Variants in ATG4A observed in about 807,000 individuals in gnomAD.
ATG4A encodes the protein cysteine protease ATG4A.
A neutral mutation model predicts 38.4 loss-of-function variants in ATG4A; 22 were observed. That is an observed-to-expected ratio of 0.57 (90% CI 0.41 to 0.82). The LOEUF (loss-of-function observed/expected upper bound fraction) is 0.82, where lower values mean the gene tolerates loss of function less well. ATG4A is among the 40% of genes least tolerant of loss of function. The pLI is 0.00. For missense variants in ATG4A, 220 were observed against 290.0 expected, an observed-to-expected ratio of 0.76 and a Z score of 1.75; for synonymous variants, 86 against 100.7, an observed-to-expected ratio of 0.85 and a Z score of 0.88.
At chrX:108,141,035 T>A (rs2148016876) in intron 9 of ATG4A, among the ~76,000 whole-genome samples, 1 of 76,756 alleles carries the variant, frequency 1.3e-5, no homozygotes, top group Non-Finnish European at 2.4e-5. Flanking sequence ...TATATACATA[T>A]ATACATATAT....
rs906222165 is a variant in ATG4A at position 108,150,190 on chromosome X, A to G, written c.853A>G (p.Thr285Ala). Residue 285 changes from threonine to alanine, a missense_variant, in exon 10 of 13, where the codon ACC becomes GCC. Physicochemically the swap from Thr to Ala is moderately conservative, Grantham distance 58. Coordinates refer to ENST00000372232, the MANE Select transcript of ATG4A (RefSeq NM_052936.5). ...CTTCTTGGACCCTCATACAACCCAG[A>G]CCTTTGTTGACACTGAAGAGAATGG... ...LIFLDPHTTQ[T>A]FVDTEENGTV... 14 of 1,211,480 alleles carry G rather than the reference A, an allele frequency of 1.2e-5. No individual in the cohort carries two copies. Among genetic ancestry groups the G allele is most frequent in the Non-Finnish European group, 1.5e-5 (13 of 895,360 alleles).
chrX:108,152,671 T>C (rs1358056583), intron 11 of ATG4A, among the ~76,000 whole-genome samples: 1 of 112,151 alleles, frequency 8.9e-6, no homozygotes, highest in African/African-American at 3.2e-5. Context: ...TTCAGGAACA[T>C]GTCACCCCTA....
At chrX:108,133,319 A>G (rs192552984) in intron 4 of ATG4A, among the ~76,000 whole-genome samples, 1 of 112,404 alleles carries the variant, frequency 8.9e-6, no homozygotes, top group African/African-American at 3.2e-5. Flanking sequence ...CAGTGATTAC[A>G]TAGGGTTTTT....
At chrX:108,091,467 C>T, upstream of ATG4A, 4 of 1,212,580 alleles carry the variant, frequency 3.3e-6, no homozygotes, top group Non-Finnish European at 4.5e-6. Flanking sequence ...ACTCTTCCAG[C>T]TTCCCGCTGT....
chrX:108,150,081 C>A, intron 9 of ATG4A, 71 bp from the exon 10 acceptor site: 1 of 1,117,890 alleles, frequency 8.9e-7, no homozygotes. Flanking sequence ...ACCAGAGTGC[C>A]TCCTCCCAAC....
intron 12 of ATG4A, 74 bp from the exon 13 acceptor site, chrX:108,153,568 T>A: frequency 1.2e-6 from 1 of 815,116 alleles, no homozygotes; most frequent in Non-Finnish European, 1.8e-6. Context: ...TCTTAACTAC[T>A]GAGTAAAGTA....
At chrX:108,103,051 C>T (rs1020384882) in intron 1 of ATG4A, among the ~76,000 whole-genome samples, 4 of 110,623 alleles carry the variant, frequency 3.6e-5, no homozygotes, top group African/African-American at 9.9e-5. Flanking sequence ...GTGTCCTCAT[C>T]GTTCAGCTCC....
chrX:108,141,470 G>A (rs1466573102), intron 9 of ATG4A, among the ~76,000 whole-genome samples: 1 of 111,516 alleles, frequency 9.0e-6, no homozygotes, highest in Non-Finnish European at 1.9e-5. Flanking sequence ...TCTTCAAGGT[G>A]ATTCTGTTAG....
chrX:108,126,166 A>G lies in ATG4A; in HGVS notation c.100A>G (p.Lys34Glu). The part of the protein sequence containing the change: ...DTDELVWILG[K>E]QHLLKTEKSK... ...AGATGAGCTGGTATGGATCTTAGGG[A>G]AGCAGCATCTCCTTAAAACAGGTAA... The change falls in exon 2 of 13, where the codon AAG becomes GAG. Residue 34 changes from lysine to glutamate, a missense_variant. Lys to Glu is a moderately conservative substitution (Grantham distance 56). Coordinates refer to ENST00000372232, the MANE Select transcript of ATG4A (RefSeq NM_052936.5). 8.3e-7 allele frequency: 1 copy of G among 1,204,488 alleles called. No homozygotes were observed. Among genetic ancestry groups the G allele is most frequent in the African/African-American group, 1.7e-5 (1 of 57,722 alleles).
upstream of ATG4A, chrX:108,091,321 C>T: frequency 1.1e-6 from 1 of 893,611 alleles, no homozygotes; most frequent in Non-Finnish European, 1.6e-6. Flanking sequence ...CTCTCAGAAA[C>T]GGGGCCTCCG....
chrX:108,115,773 C>G (rs1000168904), intron 1 of ATG4A, among the ~76,000 whole-genome samples: 2 of 111,845 alleles, frequency 1.8e-5, no homozygotes, highest in African/African-American at 6.5e-5. Context: ...AGTAGACTCA[C>G]TAGAGTAGGT....
At chrX:108,129,912 C>A (rs1449939590) in intron 3 of ATG4A, among the ~76,000 whole-genome samples, 1 of 106,746 alleles carries the variant, frequency 9.4e-6, no homozygotes, top group Non-Finnish European at 1.9e-5. Context: ...AGAAATACCC[C>A]AGTCACTAAC....
intron 4 of ATG4A, among the ~76,000 whole-genome samples, chrX:108,133,038 A>G (rs2033004663): frequency 8.9e-6 from 1 of 112,287 alleles, no homozygotes; most frequent in South Asian, 3.7e-4. Flanking sequence ...GGATTTCCCC[A>G]GACTTGGACA....
intron 9 of ATG4A, among the ~76,000 whole-genome samples, chrX:108,139,881 C>T (rs897268219): frequency 2.7e-5 from 3 of 111,378 alleles, no homozygotes; most frequent in African/African-American, 9.8e-5. Context: ...TTTCTTGCTG[C>T]GTCCTCAAAT....
chrX:108,142,446 A>AAT (rs1199825963), intron 9 of ATG4A, among the ~76,000 whole-genome samples: 6 of 109,605 alleles, frequency 5.5e-5, no homozygotes, highest in Non-Finnish European at 3.8e-5. Context: ...GAACTAATGG[A>AAT]ATATATATAC....
intron 9 of ATG4A, among the ~76,000 whole-genome samples, chrX:108,146,497 C>G (rs773797899): frequency 1.8e-5 from 2 of 111,550 alleles, no homozygotes; most frequent in Non-Finnish European, 3.8e-5. Context: ...GCCACTTGGC[C>G]CCTGCCACCT....
intron 1 of ATG4A, among the ~76,000 whole-genome samples, chrX:108,093,691 A>G (rs2031712134): frequency 8.9e-6 from 1 of 112,441 alleles, no homozygotes; most frequent in African/African-American, 3.2e-5. Flanking sequence ...CTAGCAATGT[A>G]TGAGAGTTCC....
chrX:108,134,251 G>A (rs2033039549), intron 5 of ATG4A, 88 bp from the exon 6 acceptor site: 1 of 1,142,950 alleles, frequency 8.7e-7, no homozygotes, highest in South Asian at 1.9e-5. Context: ...TTGTCCATCT[G>A]CTTAATTATT....
chrX:108,134,519 T>G (rs2033047256), intron 6 of ATG4A, 108 bp downstream of exon 6: 1 of 683,124 alleles, frequency 1.5e-6, no homozygotes, highest in Admixed American at 3.3e-5. Context: ...CCCGCTAAGC[T>G]ACTCCTCCCA....
Sources: gnomAD v4.1 joint callset for allele counts (sites outside exome capture counted in the v4.1 genomes callset) on GRCh38, gnomAD v4.1.1 for gene constraint, MANE v1.5 for transcripts, NCBI Gene and HGNC (gene_info 2026-07-23, HGNC 2026-07-21) for gene names.